The following ADGRD1 variants were observed in gnomAD, a reference collection of about 807,000 sequenced individuals.
ADGRD1 encodes the protein G-protein coupled receptor 133.
ADGRD1 carries 77 observed loss-of-function variants against 113.4 expected under a neutral mutation model. That is an observed-to-expected ratio of 0.68 (90% CI 0.57 to 0.82). The LOEUF (loss-of-function observed/expected upper bound fraction) is 0.82. Among genes scored for constraint, ADGRD1 ranks in the 40% least tolerant of loss-of-function variants. The probability of loss-of-function intolerance (pLI) is 0.00; values close to 1 mark genes in which losing one functional copy is unlikely to be tolerated. For synonymous variants in ADGRD1, 474 were observed against 475.0 expected, an observed-to-expected ratio of 1.00 and a Z score of 0.03; for missense variants, 1,036 against 1,139.1, an observed-to-expected ratio of 0.91 and a Z score of 1.30.
rs532043860 is a variant in ADGRD1 at position 131,032,299 on chromosome 12, A to G, written c.1473+17959A>G. Reference sequence around the variant, plus strand: ...TTCAAAGACAGTCTCACAGGTCCACAGCTTATTGTGCCACTCGCGACCCCG... The same window carrying G: ...TTCAAAGACAGTCTCACAGGTCCACGGCTTATTGTGCCACTCGCGACCCCG... On this transcript the variant is annotated intron_variant, in intron 13 of 24. Transcript: ENST00000261654. Among the ~76,000 whole-genome samples, 744 of 152,300 alleles carry G rather than the reference A, an allele frequency of 4.9e-3. 4 individuals are homozygous for G. Among genetic ancestry groups the G allele is most frequent in the African/African-American group, 0.016 (663 of 41,580 alleles).
chr12:131,068,180 G>T (rs1414735845), intron 13 of ADGRD1, among the ~76,000 whole-genome samples: 1 of 152,200 alleles, frequency 6.6e-6, no homozygotes, highest in African/African-American at 2.4e-5. Context: ...TTGGAATCCC[G>T]GACAGGCAGA....
At chr12:130,995,340 G>C (rs993475880) in intron 8 of ADGRD1, among the ~76,000 whole-genome samples, 1 of 152,246 alleles carries the variant, frequency 6.6e-6, no homozygotes, top group Non-Finnish European at 1.5e-5. Context: ...AGGCAGCTCC[G>C]TATCCTTATT....
At chr12:131,074,461 A>G (rs1459133600) in intron 13 of ADGRD1, among the ~76,000 whole-genome samples, 1 of 152,158 alleles carries the variant, frequency 6.6e-6, no homozygotes, top group African/African-American at 2.4e-5. Context: ...CCTCATTCCC[A>G]TTCCCCAGCC....
intron 20 of ADGRD1, among the ~76,000 whole-genome samples, chr12:131,127,291 C>A (rs1212581982): frequency 6.6e-6 from 1 of 152,222 alleles, no homozygotes. Context: ...CGTAGTGTTT[C>A]ATGTTGGCAA....
chr12:131,009,379 A>C (rs1472272849), intron 12 of ADGRD1, among the ~76,000 whole-genome samples: 1 of 152,224 alleles, frequency 6.6e-6, no homozygotes, highest in Non-Finnish European at 1.5e-5. Flanking sequence ...TTCGTGCCTG[A>C]GCTAATGCAC....
In ADGRD1 at chr12:130,987,118, T is replaced by C. The variant is rs781545330; in HGVS notation, c.514T>C (p.Phe172Leu). 1 of 1,613,878 alleles carries C rather than the reference T, an allele frequency of 6.2e-7. No homozygotes were observed. The highest frequency in any genetic ancestry group is 1.1e-5 in the South Asian group (1 of 91,052). ...PPGPYWTHVL[F>L]TWKSKEGLKV... ...AGGCCCCTATTGGACTCATGTCCTA[T>C]TTACATGGAAATCCAAGGAGGGCCT... is the stretch of plus-strand genomic sequence containing the variant. Residue 172 changes from phenylalanine to leucine, a missense_variant, in exon 6 of 25, where the codon TTT (phenylalanine) becomes CTT (leucine). Phe to Leu is a conservative substitution (Grantham distance 22, BLOSUM62 0). Transcript: ENST00000261654.
chr12:130,981,828 G>T, intron 4 of ADGRD1, 56 bp from the exon 5 acceptor site: 1 of 1,180,994 alleles, frequency 8.5e-7, no homozygotes, highest in Non-Finnish European at 1.2e-6. Context: ...CCATGTGCTT[G>T]CGAGAAGTCA....
intron 13 of ADGRD1, among the ~76,000 whole-genome samples, chr12:131,033,797 C>T (rs933163310): frequency 1.3e-5 from 2 of 152,146 alleles, no homozygotes; most frequent in East Asian, 1.9e-4. Context: ...ACGGCTGCTG[C>T]GTCTGCTAGG....
At chr12:131,058,094 T>C (rs1164552687) in intron 13 of ADGRD1, among the ~76,000 whole-genome samples, 1 of 152,232 alleles carries the variant, frequency 6.6e-6, no homozygotes, top group African/African-American at 2.4e-5. Context: ...TACTCTTTTG[T>C]GCTTTTCATT....
At chr12:131,129,391 A>C (rs1950847107) in intron 20 of ADGRD1, among the ~76,000 whole-genome samples, 1 of 121,422 alleles carries the variant, frequency 8.2e-6, no homozygotes, top group African/African-American at 3.2e-5. Flanking sequence ...TGTGAGTGAC[A>C]GGCCCGCCCT....
At chr12:131,005,600 T>C (rs12313737) in intron 11 of ADGRD1, among the ~76,000 whole-genome samples, 47,617 of 150,588 alleles carry the variant, frequency 0.32, 7,638 homozygotes, top group African/African-American at 0.35. Flanking sequence ...CACTGCCCCC[T>C]GTTGACTTGC....
At chr12:131,048,112 CAG>C (rs1322071489) in intron 13 of ADGRD1, among the ~76,000 whole-genome samples, 1 of 152,352 alleles carries the variant, frequency 6.6e-6, no homozygotes, top group East Asian at 1.9e-4. Flanking sequence ...AACCCTGAAA[CAG>C]GGAGAGCAGA....
At chr12:131,016,991 G>T (rs546467963) in intron 13 of ADGRD1, among the ~76,000 whole-genome samples, 23 of 152,268 alleles carry the variant, frequency 1.5e-4, no homozygotes, top group Admixed American at 1.4e-3. Context: ...AGTGAGGTGG[G>T]CACTGTGAAG....
At chr12:131,046,786 C>G (rs1469268979) in intron 13 of ADGRD1, among the ~76,000 whole-genome samples, 1 of 145,034 alleles carries the variant, frequency 6.9e-6, no homozygotes, top group East Asian at 2.1e-4. Context: ...GGTCAGTGTC[C>G]TCCCTGGTCA....
intron 19 of ADGRD1, among the ~76,000 whole-genome samples, chr12:131,118,702 G>T (rs1305024664): frequency 6.6e-6 from 1 of 152,216 alleles, no homozygotes; most frequent in East Asian, 1.9e-4. Context: ...ATAGCAGGGG[G>T]CCTGCTAGGA....
intron 15 of ADGRD1, among the ~76,000 whole-genome samples, chr12:131,100,005 AG>A (rs1359838297): frequency 6.6e-6 from 1 of 151,882 alleles, no homozygotes; most frequent in Non-Finnish European, 1.5e-5. Flanking sequence ...GGTTGAAGAT[AG>A]GGTTGGTTGA....
rs7315876 is a variant in ADGRD1, at chr12:131,003,663, G to T, written c.1144+361G>T. On this transcript the variant is annotated intron_variant, in intron 10 of 24. Coordinates refer to ENST00000261654, the MANE Select transcript of ADGRD1 (RefSeq NM_198827.5). The surrounding 1 kb of genome is among the most constrained non-coding windows in gnomAD (Gnocchi z 4.8). ...AGCTTGCTCTCAGCTGGGCTCCAGG[G>T]TAATTGTCACAGTTGTCTAATTGTA... Among the ~76,000 whole-genome samples the T allele has an allele frequency of 6.6e-6, 1 of 152,078 alleles. No homozygotes were observed. Among genetic ancestry groups the T allele is most frequent in the Non-Finnish European group, 1.5e-5 (1 of 68,008 alleles).
chr12:130,987,380 C>T (rs372724799), intron 6 of ADGRD1, 31 bp downstream of exon 6: 44 of 1,611,598 alleles, frequency 2.7e-5, no homozygotes, highest in Middle Eastern at 1.9e-4. Context: ...GGGGCAGATC[C>T]GCTGTCTGTT....
intron 13 of ADGRD1, among the ~76,000 whole-genome samples, chr12:131,052,938 A>G (rs1298304685): frequency 6.6e-6 from 1 of 152,216 alleles, no homozygotes; most frequent in Non-Finnish European, 1.5e-5. Flanking sequence ...ACTGTCTGCC[A>G]GGTGCATTCA....
Sources: gnomAD v4.1 joint callset for allele counts (sites outside exome capture counted in the v4.1 genomes callset) on GRCh38, gnomAD v4.1.1 for gene constraint, Gnocchi (gnomAD v3.1) non-coding constraint, MANE v1.5 for transcripts, NCBI Gene and HGNC (gene_info 2026-07-23, HGNC 2026-07-21) for gene names.